SLC24A2: variants seen among roughly 807,000 people sequenced by gnomAD.
SLC24A2 encodes the protein sodium/potassium/calcium exchanger 2.
A neutral mutation model predicts 62.0 loss-of-function variants in SLC24A2; 36 were observed. That is an observed-to-expected ratio of 0.58 (90% CI 0.44 to 0.77). The LOEUF (loss-of-function observed/expected upper bound fraction) is 0.77. Among genes scored for constraint, SLC24A2 ranks in the 30% least tolerant of loss-of-function variants. The pLI, the probability that SLC24A2 is intolerant of heterozygous loss-of-function variation, is 0.00. For missense variants in SLC24A2, 846 were observed against 817.9 expected, an observed-to-expected ratio of 1.03 and a Z score of -0.42; for synonymous variants, 358 against 294.0, an observed-to-expected ratio of 1.22 and a Z score of -2.23.
chr9:19,739,315 T>A (rs1821604518), intron 2 of SLC24A2, among the ~76,000 whole-genome samples: 1 of 152,224 alleles, frequency 6.6e-6, no homozygotes, highest in Admixed American at 6.5e-5. Context: ...TACTCAAAAT[T>A]CTATCAGGTA....
the SLC24A2 span, among the ~76,000 whole-genome samples, chr9:19,880,207 T>C: frequency 6.6e-6 from 1 of 152,312 alleles, no homozygotes; most frequent in East Asian, 1.9e-4. Flanking sequence ...TGATATGTGT[T>C]CTTCTTAGCC....
the SLC24A2 span, among the ~76,000 whole-genome samples, chr9:20,077,062 G>A: frequency 2.6e-5 from 4 of 151,808 alleles, no homozygotes; most frequent in East Asian, 7.7e-4. Context: ...AAAATTGCAT[G>A]ATCTCACTTA....
At chr9:20,218,817 G>C in the SLC24A2 span, among the ~76,000 whole-genome samples, 1 of 152,104 alleles carries the variant, frequency 6.6e-6, no homozygotes, top group Non-Finnish European at 1.5e-5. Context: ...TAGGTCAGAA[G>C]ACCAGGCCAA....
the SLC24A2 span, among the ~76,000 whole-genome samples, chr9:20,132,702 C>T: frequency 2.6e-5 from 4 of 152,026 alleles, no homozygotes; most frequent in African/African-American, 7.2e-5. Context: ...GTTTCATACA[C>T]AGAAAGGATT....
At chr9:20,231,346 T>C in the SLC24A2 span, among the ~76,000 whole-genome samples, 1 of 152,244 alleles carries the variant, frequency 6.6e-6, no homozygotes, top group Admixed American at 6.5e-5. Context: ...TTTCATGATA[T>C]TGATTCTTCC....
the SLC24A2 span, among the ~76,000 whole-genome samples, chr9:19,830,348 C>A: frequency 6.6e-6 from 1 of 152,204 alleles, no homozygotes; most frequent in Non-Finnish European, 1.5e-5. Context: ...TACATTAACA[C>A]ATTTGATATA....
chr9:20,120,620 A>C, the SLC24A2 span, among the ~76,000 whole-genome samples: 17,614 of 152,158 alleles, frequency 0.12, 1,025 homozygotes, highest in Middle Eastern at 0.17. Context: ...TACCTGGGTG[A>C]TAGAATTATC....
intron 4 of SLC24A2, among the ~76,000 whole-genome samples, chr9:19,613,441 G>A (rs556685219): frequency 6.6e-6 from 1 of 152,288 alleles, no homozygotes; most frequent in East Asian, 1.9e-4. Flanking sequence ...ACAGGATGAG[G>A]AGGACATGAA....
the SLC24A2 span, among the ~76,000 whole-genome samples, chr9:20,066,304 A>C: frequency 6.6e-6 from 1 of 152,212 alleles, no homozygotes; most frequent in African/African-American, 2.4e-5. Flanking sequence ...TCTCATTCTG[A>C]GCAGCAGATG....
the SLC24A2 span, among the ~76,000 whole-genome samples, chr9:19,828,413 T>G: frequency 6.6e-6 from 1 of 152,070 alleles, no homozygotes; most frequent in Non-Finnish European, 1.5e-5. Context: ...ATAATAACTA[T>G]TTATTACCCA....
intron 2 of SLC24A2, among the ~76,000 whole-genome samples, chr9:19,663,725 C>T (rs1398765796): frequency 6.6e-6 from 1 of 152,206 alleles, no homozygotes; most frequent in Non-Finnish European, 1.5e-5. Flanking sequence ...GTAATGGAGT[C>T]TGCCCAAACA....
chr9:19,845,779 T>C, the SLC24A2 span, among the ~76,000 whole-genome samples: 1 of 152,154 alleles, frequency 6.6e-6, no homozygotes, highest in Non-Finnish European at 1.5e-5. Context: ...GAGATTTTGG[T>C]ATGTTGTTTC....
chr9:20,058,953 C>T, the SLC24A2 span, among the ~76,000 whole-genome samples: 1 of 152,200 alleles, frequency 6.6e-6, no homozygotes, highest in Non-Finnish European at 1.5e-5. Flanking sequence ...TAGTTGCACA[C>T]TCTTCTCCCT....
the SLC24A2 span, among the ~76,000 whole-genome samples, chr9:20,130,906 G>C: frequency 5.7e-4 from 87 of 152,028 alleles, no homozygotes; most frequent in Admixed American, 5.4e-3. Flanking sequence ...ACATCACATA[G>C]GATACCCTGC....
the SLC24A2 span, among the ~76,000 whole-genome samples, chr9:19,968,465 A>G: frequency 2.0e-5 from 3 of 152,204 alleles, no homozygotes; most frequent in Non-Finnish European, 4.4e-5. Context: ...GGAAATTGGA[A>G]TTTGGAGAAG....
At chr9:20,096,804 T>G in the SLC24A2 span, among the ~76,000 whole-genome samples, 2 of 152,204 alleles carry the variant, frequency 1.3e-5, no homozygotes, top group Non-Finnish European at 2.9e-5. Flanking sequence ...TTTACAAATT[T>G]TTTTGTTATC....
intron 7 of SLC24A2, among the ~76,000 whole-genome samples, chr9:19,555,197 G>A (rs138108815): frequency 9.0e-4 from 137 of 152,160 alleles, no homozygotes; most frequent in African/African-American, 3.2e-3. Context: ...TCAAGCCATT[G>A]TTATTTTGGG....
intron 7 of SLC24A2, among the ~76,000 whole-genome samples, chr9:19,566,918 C>G (rs562285085): frequency 6.7e-5 from 10 of 148,842 alleles, no homozygotes; most frequent in Non-Finnish European, 1.0e-4. Flanking sequence ...AATGAGAACA[C>G]TTGGACACAG....
chr9:19,529,587 A>T (rs1044636200), intron 8 of SLC24A2, among the ~76,000 whole-genome samples: 10 of 152,174 alleles, frequency 6.6e-5, no homozygotes, highest in Non-Finnish European at 1.5e-4. Context: ...CACAGTGAGT[A>T]GCCAAAACCT....
Sources: gnomAD v4.1 joint callset for allele counts (sites outside exome capture counted in the v4.1 genomes callset) on GRCh38, gnomAD v4.1.1 for gene constraint, MANE v1.5 for transcripts, NCBI Gene and HGNC (gene_info 2026-07-23, HGNC 2026-07-21) for gene names.